Variants in B4GALT5 observed in about 807,000 individuals in gnomAD.
B4GALT5 encodes beta-1,4-galactosyltransferase 5.
B4GALT5 carries 11 observed loss-of-function variants against 45.0 expected under a neutral mutation model. The ratio of observed to expected loss-of-function variants is 0.24; its 90% CI spans 0.15 to 0.40. B4GALT5 has a LOEUF of 0.40. B4GALT5 is among the 10% of genes least tolerant of loss of function. B4GALT5 has a pLI of 1.00. For synonymous variants in B4GALT5, 185 were observed against 182.9 expected (o/e 1.01, Z -0.09); for missense variants, 337 against 500.2 (o/e 0.67, Z 3.11).
At chr20:49,676,770 G>A (rs948117475) in intron 1 of B4GALT5, among the ~76,000 whole-genome samples, 2 of 152,314 alleles carry the variant, frequency 1.3e-5, no homozygotes, top group African/African-American at 2.4e-5. Context: ...GCATGAGGGC[G>A]GGGGGCACAG....
intron 8 of B4GALT5, 76 bp downstream of exon 8, chr20:49,637,265 C>T: frequency 7.7e-7 from 1 of 1,304,990 alleles, no homozygotes; most frequent in Non-Finnish European, 1.1e-6. Context: ...GGAGAAGGGG[C>T]TGTAATATGC....
chr20:49,694,658 A>AGGAAAG (rs141210680), intron 1 of B4GALT5, among the ~76,000 whole-genome samples: 8,199 of 142,888 alleles, frequency 0.057, 439 homozygotes, highest in African/African-American at 0.13. Flanking sequence ...GAAAGGGAAA[A>AGGAAAG]GGAAAGGGAA....
chr20:49,660,995 T>C (rs891212979), intron 1 of B4GALT5, among the ~76,000 whole-genome samples: 20 of 152,198 alleles, frequency 1.3e-4, no homozygotes, highest in Non-Finnish European at 1.5e-5. Flanking sequence ...GTTAATAAAC[T>C]TAGGCCATGG....
chr20:49,666,079 C>T (rs765031754), intron 1 of B4GALT5, among the ~76,000 whole-genome samples: 96 of 152,192 alleles, frequency 6.3e-4, no homozygotes, highest in East Asian at 2.3e-3. Flanking sequence ...AGGTATCAAT[C>T]GGAACAAGTA....
At chr20:49,648,928 A>T (rs746937597) in intron 2 of B4GALT5, among the ~76,000 whole-genome samples, 2 of 152,198 alleles carry the variant, frequency 1.3e-5, no homozygotes, top group African/African-American at 2.4e-5. Context: ...CAGAATATTA[A>T]ATCCTTTTGG....
intron 1 of B4GALT5, among the ~76,000 whole-genome samples, chr20:49,681,464 C>T (rs1344393700): frequency 1.3e-5 from 2 of 152,116 alleles, no homozygotes; most frequent in Non-Finnish European, 2.9e-5. Flanking sequence ...CACTCACTCC[C>T]TTGGTGATCT....
rs1443003389 is a variant in B4GALT5 at position 49,639,939 on chromosome 20, T to C, written c.795-139A>G. On this transcript the variant is annotated intron_variant, in intron 6 of 8. Transcript: ENST00000371711. ...ATATGAATGTATCAAATTAGCAAAA[T>C]TAATTTTTGCAAACTGATTTTTAAT... The C allele has an allele frequency of 1.2e-5, 14 of 1,212,420 alleles. No individual in the cohort carries two copies. In the East Asian group the frequency reaches 3.6e-4, roughly 31 times the overall value. 75.1% of individuals were successfully genotyped at this position (1,212,420 alleles called of 1,614,324 possible).
chr20:49,665,154 A>T (rs1435539721), intron 1 of B4GALT5, among the ~76,000 whole-genome samples: 1 of 152,034 alleles, frequency 6.6e-6, no homozygotes, highest in Non-Finnish European at 1.5e-5. Context: ...ACAGTGGCTC[A>T]TGCCTGTAAT....
chr20:49,656,629 C>G lies in B4GALT5; in HGVS notation c.189G>C (p.Gln63His). The G allele has an allele frequency of 1.2e-6, 2 of 1,614,146 alleles. No individual in the cohort carries two copies. The highest frequency in any genetic ancestry group is 2.2e-5 in the South Asian group (2 of 91,078). ...CACTCCGAAGCACCTGCTCATAAACCTGAGCACCGATTGTTCTCACGTTGT... is the reference window on the plus strand; with the variant it reads ...CACTCCGAAGCACCTGCTCATAAACGTGAGCACCGATTGTTCTCACGTTGT... Reference protein sequence around the residue: ...IRDNVRTIGAQVYEQVLRSAY... With the variant: ...IRDNVRTIGAHVYEQVLRSAY... Residue 63 changes from glutamine to histidine, a missense_variant, in exon 2 of 9, where the codon CAG becomes CAC. Gln to His is a conservative substitution (Grantham distance 24, BLOSUM62 0). Coordinates refer to ENST00000371711, the MANE Select transcript of B4GALT5 (RefSeq NM_004776.4).
chr20:49,689,526 G>A (rs1289339708), intron 1 of B4GALT5, among the ~76,000 whole-genome samples: 1 of 152,152 alleles, frequency 6.6e-6, no homozygotes, highest in African/African-American at 2.4e-5. Flanking sequence ...AAAGTTGAAA[G>A]GATTTTACAG....
chr20:49,695,331 A>C (rs2085834530), intron 1 of B4GALT5, among the ~76,000 whole-genome samples: 1 of 152,118 alleles, frequency 6.6e-6, no homozygotes, highest in African/African-American at 2.4e-5. Flanking sequence ...CTGGTGCCAA[A>C]AAGGTTGGAG....
At chr20:49,697,775 T>C (rs1487491571) in intron 1 of B4GALT5, among the ~76,000 whole-genome samples, 3 of 152,174 alleles carry the variant, frequency 2.0e-5, no homozygotes, top group African/African-American at 7.2e-5. Context: ...GACAAGTCCA[T>C]GGTCACATCA....
At chr20:49,648,902 G>A (rs932844333) in intron 2 of B4GALT5, among the ~76,000 whole-genome samples, 63 of 152,232 alleles carry the variant, frequency 4.1e-4, no homozygotes, top group African/African-American at 1.5e-3. Context: ...ATACTGTATT[G>A]TTTTTATTTT....
intron 2 of B4GALT5, among the ~76,000 whole-genome samples, chr20:49,655,240 G>A (rs559128905): frequency 1.5e-3 from 222 of 152,134 alleles, no homozygotes; most frequent in African/African-American, 5.2e-3. Flanking sequence ...AGACCAGCCC[G>A]GCCAACATGG....
intron 1 of B4GALT5, among the ~76,000 whole-genome samples, chr20:49,702,628 G>A (rs1003314295): frequency 5.9e-5 from 9 of 152,046 alleles, no homozygotes; most frequent in Admixed American, 1.3e-4. Context: ...GCGGGGGTGG[G>A]AGGATGGCTT....
intron 1 of B4GALT5, among the ~76,000 whole-genome samples, chr20:49,700,481 T>C (rs1043084053): frequency 1.3e-5 from 2 of 152,090 alleles, no homozygotes; most frequent in African/African-American, 4.8e-5. Flanking sequence ...TGTATTTTTG[T>C]AGAAACAAGT....
chr20:49,646,510 T>C (rs1291205448), intron 3 of B4GALT5, among the ~76,000 whole-genome samples: 1 of 152,200 alleles, frequency 6.6e-6, no homozygotes, highest in East Asian at 1.9e-4. Context: ...AGTACCATGC[T>C]GCACAGGTTT....
At chr20:49,647,443 TTCACCTCTG>T (rs1235085732) in intron 2 of B4GALT5, among the ~76,000 whole-genome samples, 1 of 152,228 alleles carries the variant, frequency 6.6e-6, no homozygotes, top group African/African-American at 2.4e-5. Context: ...ATATGCAGTA[TTCACCTCTG>T]TCAGCCTCTA....
intron 3 of B4GALT5, among the ~76,000 whole-genome samples, chr20:49,646,629 C>T (rs1370401386): frequency 6.6e-6 from 1 of 152,106 alleles, no homozygotes; most frequent in Non-Finnish European, 1.5e-5. Context: ...ATAAAATCAC[C>T]TAATGATGTA....
Sources: allele counts gnomAD v4.1 joint callset (sites outside exome capture counted in the v4.1 genomes callset), GRCh38; gene constraint gnomAD v4.1.1; transcripts MANE v1.5; gene names NCBI Gene and HGNC (gene_info 2026-07-23, HGNC 2026-07-21).